Variants in KALRN observed in about 807,000 individuals in gnomAD.
The protein encoded by KALRN is kalirin.
A neutral mutation model predicts 353.7 loss-of-function variants in KALRN; 70 were observed. That is an observed-to-expected ratio of 0.20 (90% CI 0.16 to 0.24). KALRN has a LOEUF of 0.24. KALRN is among the 10% of genes least tolerant of loss of function. The pLI, the probability that KALRN is intolerant of heterozygous loss-of-function variation, is 1.00. For synonymous variants in KALRN, 1,391 were observed against 1,434.8 expected (o/e 0.97, Z 0.69); for missense variants, 2,791 against 3,756.7 (o/e 0.74, Z 6.72).
intron 34 of KALRN, among the ~76,000 whole-genome samples, chr3:124,623,105 T>C (rs1380274127): frequency 6.6e-6 from 1 of 151,978 alleles, no homozygotes; most frequent in Non-Finnish European, 1.5e-5. Context: ...CTCTTTTTTA[T>C]TCTCTTTCTT....
intron 15 of KALRN, among the ~76,000 whole-genome samples, chr3:124,425,127 G>C (rs1485774716): frequency 6.6e-6 from 1 of 152,036 alleles, no homozygotes; most frequent in East Asian, 1.9e-4. Context: ...ATAGAGAAGG[G>C]TAGAGGGGAG....
chr3:124,668,703 C>A (rs2085988589), intron 47 of KALRN, among the ~76,000 whole-genome samples: 2 of 152,190 alleles, frequency 1.3e-5, no homozygotes, highest in African/African-American at 2.4e-5. Context: ...CTCTAGGATT[C>A]TTTTCACTCT....
At chr3:124,593,761 C>A (rs1054974477) in intron 34 of KALRN, among the ~76,000 whole-genome samples, 4 of 152,228 alleles carry the variant, frequency 2.6e-5, no homozygotes, top group African/African-American at 9.6e-5. Context: ...ATGTCTTCCA[C>A]GAGCTTAACA....
chr3:124,654,054 A>G (rs1432529689), intron 38 of KALRN, among the ~76,000 whole-genome samples: 1 of 152,224 alleles, frequency 6.6e-6, no homozygotes, highest in Non-Finnish European at 1.5e-5. Flanking sequence ...TAGGATAAAA[A>G]TATCGCCTGG....
At chr3:124,665,723 C>A (rs1158496886) in intron 45 of KALRN, among the ~76,000 whole-genome samples, 1 of 152,198 alleles carries the variant, frequency 6.6e-6, no homozygotes, top group Non-Finnish European at 1.5e-5. Context: ...GCTTGGCCTC[C>A]CAAAGTTCTG....
intron 33 of KALRN, among the ~76,000 whole-genome samples, chr3:124,505,534 G>A (rs564699395): frequency 5.3e-5 from 8 of 152,284 alleles, no homozygotes; most frequent in Admixed American, 3.9e-4. Flanking sequence ...TAGGGAGGCT[G>A]AGGTGGGAGG....
At position 124,723,654 on chromosome 3, in the gene KALRN, A is replaced by G. The variant is rs752178848; in HGVS notation, c.*4184A>G. ...GAAGTATCAGGTGCTCTTTGTCTAA[A>G]TGTTATTTGGTCTTAGCCTATAATT... is the stretch of plus-strand genomic sequence containing the variant. On this transcript the variant is annotated 3_prime_UTR_variant, in exon 60 of 60. Transcript: ENST00000682506. 2 of 152,172 alleles carry G rather than the reference A, an allele frequency of 1.3e-5. No individual in the cohort carries two copies. Among genetic ancestry groups the G allele is most frequent in the Non-Finnish European group, 2.9e-5 (2 of 68,024 alleles). 9.4% of individuals were successfully genotyped at this position (152,172 alleles called of 1,614,324 possible).
intron 34 of KALRN, among the ~76,000 whole-genome samples, chr3:124,582,530 G>A (rs2074730671): frequency 6.6e-6 from 1 of 152,070 alleles, no homozygotes; most frequent in Admixed American, 6.5e-5. Flanking sequence ...CTTTTCTTTA[G>A]AATTAAACCA....
chr3:124,230,074 G>A (rs753709527), intron 2 of KALRN, among the ~76,000 whole-genome samples: 3 of 152,212 alleles, frequency 2.0e-5, no homozygotes, highest in Non-Finnish European at 4.4e-5. Flanking sequence ...AAATCCTAGA[G>A]GCCACTGAGC....
chr3:124,691,194 C>T (rs1343092681), intron 51 of KALRN, among the ~76,000 whole-genome samples: 3 of 151,998 alleles, frequency 2.0e-5, no homozygotes, highest in Non-Finnish European at 2.9e-5. Context: ...TTTGGGAGGC[C>T]GAGGCAGGCG....
At chr3:124,479,656 T>C (rs2061764773) in intron 27 of KALRN, among the ~76,000 whole-genome samples, 1 of 151,842 alleles carries the variant, frequency 6.6e-6, no homozygotes, top group Non-Finnish European at 1.5e-5. Context: ...TATCCATTAC[T>C]GTAAAGAGAA....
intron 1 of KALRN, among the ~76,000 whole-genome samples, chr3:124,219,109 TCATGA>T (rs1186964112): frequency 2.0e-5 from 3 of 152,192 alleles, no homozygotes; most frequent in Non-Finnish European, 2.9e-5. Flanking sequence ...GTAGAAGGTG[TCATGA>T]CACTTGGGAT....
At chr3:124,642,748 A>G (rs185743250) in intron 37 of KALRN, among the ~76,000 whole-genome samples, 1 of 145,164 alleles carries the variant, frequency 6.9e-6, no homozygotes, top group East Asian at 2.1e-4. Flanking sequence ...GCAGAGGTGT[A>G]TGTTTCCAGG....
chr3:124,569,085 T>C (rs2073212519), intron 34 of KALRN, among the ~76,000 whole-genome samples: 1 of 152,198 alleles, frequency 6.6e-6, no homozygotes, highest in African/African-American at 2.4e-5. Context: ...CCTTTTCCTG[T>C]GCACTTTCTT....
Position 124,325,987 on chromosome 3 carries a change from A to C in KALRN, c.1100A>C (p.Tyr367Ser), listed in dbSNP as rs945697999. The C allele has an allele frequency of 1.2e-6, 2 of 1,612,794 alleles. No individual in the cohort carries two copies. The highest frequency in any genetic ancestry group is 2.2e-5 in the East Asian group (1 of 44,886). Residue 367 changes from tyrosine (Y) to serine (S), a missense_variant, in exon 7 of 60, where the codon TAT becomes TCT. By Grantham distance (144) the Tyr-to-Ser change is moderately radical (BLOSUM62 -2). This residue lies in a region of KALRN where 366 missense variants were observed against 489.2 expected (regional missense o/e 0.75). Coordinates refer to ENST00000682506, the MANE Select transcript of KALRN (RefSeq NM_001388419.1). ...NHFAMNSMNA[Y>S]VNINRIMSVA... The stretch of plus-strand genomic sequence containing the variant: ...CTCTCCTTTTCTTTCCAGAATGCCT[A>C]TGTCAACATCAACCGCATCATGTCC...
intron 34 of KALRN, among the ~76,000 whole-genome samples, chr3:124,585,141 C>A (rs898286881): frequency 1.3e-5 from 2 of 152,238 alleles, no homozygotes; most frequent in African/African-American, 4.8e-5. Context: ...TGCGGAGCTG[C>A]TGTTTGGGAA....
chr3:124,117,489 G>C (rs1212237171), intron 1 of KALRN, among the ~76,000 whole-genome samples: 1 of 152,138 alleles, frequency 6.6e-6, no homozygotes, highest in Non-Finnish European at 1.5e-5. Flanking sequence ...GACCCTTGTA[G>C]TGCTTTGACA....
chr3:124,161,675 A>G (rs1578798684), intron 1 of KALRN, among the ~76,000 whole-genome samples: 2 of 152,334 alleles, frequency 1.3e-5, no homozygotes, highest in South Asian at 4.1e-4. Context: ...TCCCAGAAAG[A>G]AGCAAGAACT....
At chr3:124,408,644 A>C (rs1416635182) in intron 13 of KALRN, among the ~76,000 whole-genome samples, 1 of 152,270 alleles carries the variant, frequency 6.6e-6, no homozygotes, top group Non-Finnish European at 1.5e-5. Flanking sequence ...GATCTGAAGA[A>C]AGAACTATAC....
Sources: gnomAD v4.1 joint callset for allele counts (sites outside exome capture counted in the v4.1 genomes callset) on GRCh38, gnomAD v4.1.1 for gene constraint, gnomAD v4.1.1 regional missense constraint, MANE v1.5 for transcripts, NCBI Gene and HGNC (gene_info 2026-07-23, HGNC 2026-07-21) for gene names.